Variants in KLK1 observed in about 807,000 individuals in gnomAD.
KLK1 encodes the protein kallikrein 1.
KLK1 carries 22 observed loss-of-function variants against 23.3 expected under a neutral mutation model. The ratio of observed to expected loss-of-function variants is 0.95; its 90% CI spans 0.68 to 1.35. The LOEUF (loss-of-function observed/expected upper bound fraction) is 1.35. Among genes scored for constraint, KLK1 ranks in the 40% most tolerant of loss-of-function variants. The pLI is 0.00. For synonymous variants in KLK1, 140 were observed against 135.8 expected (o/e 1.03, Z -0.21); for missense variants, 301 against 338.9 (o/e 0.89, Z 0.88).
chr19:50,819,558 T>A (rs3212835), intron 4 of KLK1, among the ~76,000 whole-genome samples: 33,444 of 152,000 alleles, frequency 0.22, 4,810 homozygotes, highest in East Asian at 0.58. Flanking sequence ...AGGGTCCAGG[T>A]GGACAGTGCC....
chr19:50,819,549 G>C (rs547098757), intron 4 of KLK1, among the ~76,000 whole-genome samples, 200 bp from the exon 5 acceptor site: 1 of 152,368 alleles, frequency 6.6e-6, no homozygotes, highest in African/African-American at 2.4e-5. Context: ...ACATGGGGCA[G>C]GGTCCAGGTG....
At position 50,819,982 on chromosome 19, in the gene KLK1, C is replaced by T. The variant is rs2089812514; in HGVS notation, c.550G>A (p.Glu184Lys). The T allele has an allele frequency of 1.2e-6, 2 of 1,614,154 alleles. No individual in the cohort carries two copies. The highest frequency in any genetic ancestry group is 1.7e-6 in the Non-Finnish European group (2 of 1,179,998). Reference protein sequence around the residue: ...CVDLKILPNDECKKAHVQKVT... With the variant: ...CVDLKILPNDKCKKAHVQKVT... ...TTCTGGACGTGGGCTTTTTTGCACTCATCATTAGGCAGGATTTTGAGGTCC... is the reference window on the plus strand; with the variant it reads ...TTCTGGACGTGGGCTTTTTTGCACTTATCATTAGGCAGGATTTTGAGGTCC... Residue 184 changes from glutamate (E) to lysine (K), a missense_variant, in exon 4 of 5, where the codon GAG becomes AAG. Physicochemically the swap from Glu to Lys is moderately conservative, Grantham distance 56. Transcript: ENST00000301420.
chr19:50,822,075 G>C (rs2089831804), intron 1 of KLK1: 2 of 1,354,968 alleles, frequency 1.5e-6, no homozygotes, highest in Non-Finnish European at 1.9e-6. Flanking sequence ...GGCTGGACCT[G>C]GTGGGGAGAT....
In KLK1 at chr19:50,823,688, C is replaced by T. The variant is rs1015176447; in HGVS notation, c.46+15G>A. ...CAGGGCCCGTTCCCCCTCCCACATC[C>T]CCCCACTGTCTCACCAGTCCCCCCC... On this transcript the variant is annotated intron_variant, in intron 1 of 4. Transcript: ENST00000301420. 4 of 1,569,382 alleles carry T rather than the reference C, an allele frequency of 2.5e-6. No individual in the cohort carries two copies. Among genetic ancestry groups the T allele is most frequent in the Non-Finnish European group, 3.5e-6 (4 of 1,142,290 alleles).
In KLK1 at chr19:50,821,794, G is replaced by A. The variant is rs142231125; in HGVS notation, c.124C>T (p.Leu42=). 2.5e-6 allele frequency: 4 copies of A among 1,613,980 alleles called. No individual in the cohort carries two copies. In the African/African-American group the frequency reaches 4.0e-5, roughly 16 times the overall value. The change falls in exon 2 of 5, where the codon CTG becomes TTG. Residue 42 remains leucine, a synonymous_variant. Transcript: ENST00000301420. This position sits in a 1 kb window ranked among gnomAD's most constrained non-coding sequence, Gnocchi z 5.6. ...CACTGGAAAGTGCTGAAATGGTACA[G>A]AGCCGCCTGCCAGGGCTGGGAATGC... ...EQHSQPWQAA[L]YHFSTFQCGG...
intron 1 of KLK1, among the ~76,000 whole-genome samples, chr19:50,823,384 A>G (rs1199455909): frequency 6.6e-6 from 1 of 152,042 alleles, no homozygotes; most frequent in East Asian, 1.9e-4. Flanking sequence ...AGAGACAGAG[A>G]TGGCCCAGAA....
chr19:50,820,672 C>T, intron 2 of KLK1: 1 of 432,684 alleles, frequency 2.3e-6, no homozygotes, highest in Non-Finnish European at 4.1e-6. Flanking sequence ...AAAAAGAGCT[C>T]AAAAGGACAG....
Position 50,819,305 on chromosome 19 carries a change from A to T in KLK1, c.678T>A (p.Gly226=). 1 of 1,614,060 alleles carries T rather than the reference A, an allele frequency of 6.2e-7. No homozygotes were observed. The highest frequency in any genetic ancestry group is 8.5e-7 in the Non-Finnish European group (1 of 1,179,934). The change falls in exon 5 of 5, where the codon GGT becomes GGA. Residue 226 remains glycine (G), a synonymous_variant. Coordinates refer to ENST00000301420, the MANE Select transcript of KLK1 (RefSeq NM_002257.4). ...AAGGGACGTAGCCCCATGATGTGACACCTTGGAGCACACCATCACACATCA... is the reference window on the plus strand; with the variant it reads ...AAGGGACGTAGCCCCATGATGTGACTCCTTGGAGCACACCATCACACATCA... ...GPLMCDGVLQ[G]VTSWGYVPCG... is the part of the protein sequence containing the mutation.
chr19:50,822,777 T>C, intron 1 of KLK1: 1 of 984,642 alleles, frequency 1.0e-6, no homozygotes, highest in African/African-American at 1.7e-5. Flanking sequence ...GAGGCAATCC[T>C]AGGAAGAGGA....
chr19:50,822,694 G>T, intron 1 of KLK1: 9 of 985,574 alleles, frequency 9.1e-6, no homozygotes, highest in Non-Finnish European at 9.6e-6. Flanking sequence ...ACAGGGTGAA[G>T]GATGGGATCT....
At chr19:50,820,692 A>G in intron 2 of KLK1, 1 of 378,702 alleles carries the variant, frequency 2.6e-6, no homozygotes, top group South Asian at 5.3e-5. Flanking sequence ...GAGGGGTGAA[A>G]AAGGCGGAGG....
At chr19:50,822,793 G>C (rs756903433) in intron 1 of KLK1, 400 of 982,658 alleles carry the variant, frequency 4.1e-4, no homozygotes, top group Non-Finnish European at 4.6e-4. Flanking sequence ...GAGGATTGGA[G>C]AAGTGGTGAG....
At chr19:50,822,573 G>A (rs1882745478) in intron 1 of KLK1, 2 of 985,452 alleles carry the variant, frequency 2.0e-6, no homozygotes, top group Non-Finnish European at 2.4e-6. Flanking sequence ...GGTCCTTCCT[G>A]TGAACCAGGA....
chr19:50,820,533 GAA>G (rs878862949), intron 2 of KLK1, 90 bp from the exon 3 acceptor site: 2 of 933,070 alleles, frequency 2.1e-6, no homozygotes, highest in South Asian at 3.2e-5. Context: ...CCCAAAGAGA[GAA>G]AGGGAAAGAG....
Position 50,820,192 on chromosome 19 carries a change from C to T in KLK1, c.458G>A (p.Cys153Tyr), listed in dbSNP as rs778853320. The part of the protein sequence containing the change: ...PTEEPEVGST[C>Y]LASGWGSIEP... The stretch of plus-strand genomic sequence containing the variant: ...GATGCTGCCCCAGCCGGAAGCCAAA[C>T]AGGTGCTCCCCACTTCGGGTTCCTC... Residue 153 changes from cysteine (C) to tyrosine (Y), a missense_variant, in exon 3 of 5, where the codon TGT becomes TAT. By Grantham distance (194) the Cys-to-Tyr change is radical. Transcript: ENST00000301420. 8.1e-6 allele frequency: 13 copies of T among 1,608,908 alleles called. No individual in the cohort carries two copies. Among genetic ancestry groups the T allele is most frequent in the African/African-American group, 1.3e-5 (1 of 74,970 alleles).
Position 50,821,696 on chromosome 19 carries a change from C to A in KLK1, c.206+16G>T, listed in dbSNP as rs534478559. The A allele has an allele frequency of 8.7e-5, 137 of 1,582,890 alleles. No homozygotes were observed. The highest frequency in any genetic ancestry group is 1.1e-4 in the Non-Finnish European group (132 of 1,161,436). On this transcript the variant is annotated intron_variant, in intron 2 of 4. Coordinates refer to ENST00000301420, the MANE Select transcript of KLK1 (RefSeq NM_002257.4). The surrounding 1 kb of genome is among the most constrained non-coding windows in gnomAD (Gnocchi z 5.6). ...AGCATAGATGCCCTCCTCCCAGACC[C>A]CAGGCCCCTACTCACTCGCTGATGC...
At chr19:50,820,503 G>A in intron 2 of KLK1, 60 bp from the exon 3 acceptor site, 1 of 922,048 alleles carries the variant, frequency 1.1e-6, no homozygotes, top group Non-Finnish European at 1.6e-6. Context: ...GGATGGGGCA[G>A]GGGAGCATGG....
intron 2 of KLK1, 154 bp from the exon 3 acceptor site, chr19:50,820,597 TACAG>T: frequency 1.7e-6 from 1 of 583,266 alleles, no homozygotes; most frequent in South Asian, 2.4e-5. Context: ...TATGGAGAAA[TACAG>T]ACAGCGAATG....
At chr19:50,822,732 G>A (rs1041784167) in intron 1 of KLK1, 113 of 985,486 alleles carry the variant, frequency 1.1e-4, no homozygotes, top group Non-Finnish European at 1.3e-4. Flanking sequence ...GGGGTTCATG[G>A]TCTGAGGGTA....
Sources: gnomAD v4.1 joint callset for allele counts (sites outside exome capture counted in the v4.1 genomes callset) on GRCh38, gnomAD v4.1.1 for gene constraint, Gnocchi (gnomAD v3.1) non-coding constraint, MANE v1.5 for transcripts, NCBI Gene and HGNC (gene_info 2026-07-23, HGNC 2026-07-21) for gene names.